Variants in ANAPC10 observed in about 807,000 individuals in gnomAD.
ANAPC10 encodes the protein anaphase-promoting complex subunit 10.
ANAPC10 carries 12 observed loss-of-function variants against 22.0 expected under a neutral mutation model. That is an observed-to-expected ratio of 0.55 (90% CI 0.35 to 0.88). The LOEUF (loss-of-function observed/expected upper bound fraction) is 0.88. Among genes scored for constraint, ANAPC10 ranks in the 40% least tolerant of loss-of-function variants. The pLI is 0.01. For missense variants in ANAPC10, 188 were observed against 220.9 expected, an observed-to-expected ratio of 0.85 and a Z score of 0.94; for synonymous variants, 65 against 69.5, an observed-to-expected ratio of 0.94 and a Z score of 0.32.
intron 4 of ANAPC10, among the ~76,000 whole-genome samples, chr4:145,062,462 C>T (rs1743036231): frequency 6.6e-6 from 1 of 151,976 alleles, no homozygotes; most frequent in African/African-American, 2.4e-5. Context: ...AAAAAATTAG[C>T]TGGGCATGGT....
Position 144,995,526 on chromosome 4 carries a change from G to C in ANAPC10, c.405C>G (p.Phe135Leu). 6.2e-7 allele frequency: 1 copy of C among 1,613,898 alleles called. No individual in the cohort carries two copies. The highest frequency in any genetic ancestry group is 8.5e-7 in the Non-Finnish European group (1 of 1,179,914). ...TDNHKKPTRT[F>L]MIQIAVLANH... Reference sequence around the variant, plus strand: ...TGGCTAGAACAGCAATCTGTATCATGAATGTACGAGTTGGCTTCTTATGAT... The same window carrying C: ...TGGCTAGAACAGCAATCTGTATCATCAATGTACGAGTTGGCTTCTTATGAT... Residue 135 changes from phenylalanine to leucine, a missense_variant, in exon 5 of 5, where the codon TTC becomes TTG. Transcript: ENST00000507656.
chr4:145,037,014 GTGTGTGTGTGTGTGTGTGTGTGTGTA>G (rs1166101166), intron 4 of ANAPC10, among the ~76,000 whole-genome samples: 8 of 139,930 alleles, frequency 5.7e-5, no homozygotes, highest in Admixed American at 1.4e-4. Flanking sequence ...GTGTGTGTGT[GTGTGTGTGTGTGTGTGTGTGTGTGTA>G]TGTGTGTGCA....
At chr4:145,098,360 T>TGAA (rs1748933715), upstream of ANAPC10, 1 of 152,458 alleles carries the variant, frequency 6.6e-6, no homozygotes, top group African/African-American at 2.4e-5. Context: ...GGCTGAAAAG[T>TGAA]GAAGGCAAGA....
intron 4 of ANAPC10, among the ~76,000 whole-genome samples, chr4:145,063,365 T>C (rs1743189101): frequency 6.6e-6 from 1 of 152,192 alleles, no homozygotes; most frequent in South Asian, 2.1e-4. Flanking sequence ...CCTGTTCTTA[T>C]TTGTCAATAC....
chr4:145,032,568 C>A (rs1737779349), intron 4 of ANAPC10, among the ~76,000 whole-genome samples: 1 of 152,188 alleles, frequency 6.6e-6, no homozygotes, highest in Non-Finnish European at 1.5e-5. Flanking sequence ...TCTGTGGACA[C>A]CACACAACCT....
intron 4 of ANAPC10, among the ~76,000 whole-genome samples, chr4:145,048,119 C>G (rs529161891): frequency 6.6e-6 from 1 of 152,248 alleles, no homozygotes; most frequent in South Asian, 2.1e-4. Flanking sequence ...GCCTTGGATT[C>G]TTTTCCTCAG....
intron 4 of ANAPC10, among the ~76,000 whole-genome samples, chr4:145,012,307 G>C (rs2126931106): frequency 6.6e-6 from 1 of 151,332 alleles, no homozygotes; most frequent in East Asian, 1.9e-4. Flanking sequence ...ATTGTCACTT[G>C]AACATGTTTT....
chr4:145,046,062 CA>C (rs1265451362), intron 4 of ANAPC10, among the ~76,000 whole-genome samples: 2 of 152,048 alleles, frequency 1.3e-5, no homozygotes, highest in Non-Finnish European at 2.9e-5. Context: ...TACAGGAGCG[CA>C]CCCTAAGCAT....
chr4:145,000,155 T>C (rs909860482), intron 4 of ANAPC10, among the ~76,000 whole-genome samples: 4 of 152,174 alleles, frequency 2.6e-5, no homozygotes, highest in Non-Finnish European at 4.4e-5. Flanking sequence ...AAGAACTTTA[T>C]GTCTAAACAC....
chr4:145,088,240 ATTC>A (rs1560935411), intron 2 of ANAPC10, among the ~76,000 whole-genome samples: 1 of 151,870 alleles, frequency 6.6e-6, no homozygotes, highest in African/African-American at 2.4e-5. Flanking sequence ...CCAAAGCTTT[ATTC>A]TTTTCTCTAA....
intron 4 of ANAPC10, among the ~76,000 whole-genome samples, chr4:145,052,278 CAT>C (rs1291614452): frequency 6.6e-6 from 1 of 152,092 alleles, no homozygotes; most frequent in Non-Finnish European, 1.5e-5. Context: ...CAAAGAATGA[CAT>C]ATATGTGAGG....
At chr4:145,032,303 A>G (rs1212253766) in intron 4 of ANAPC10, among the ~76,000 whole-genome samples, 1 of 152,228 alleles carries the variant, frequency 6.6e-6, no homozygotes, top group Non-Finnish European at 1.5e-5. Flanking sequence ...TGCACTTTGC[A>G]TGGAAGGAGA....
intron 2 of ANAPC10, among the ~76,000 whole-genome samples, chr4:145,086,710 A>G (rs551739155): frequency 1.3e-5 from 2 of 152,030 alleles, no homozygotes; most frequent in Non-Finnish European, 2.9e-5. Context: ...ATTTAGCTGT[A>G]TCCCTGGGCT....
chr4:145,067,862 A>G (rs1435625087), intron 3 of ANAPC10, among the ~76,000 whole-genome samples: 1 of 152,188 alleles, frequency 6.6e-6, no homozygotes, highest in Admixed American at 6.5e-5. Context: ...GTAGAGCCAT[A>G]TGACTAAGTT....
intron 4 of ANAPC10, among the ~76,000 whole-genome samples, chr4:145,050,332 T>C (rs1268289887): frequency 2.6e-5 from 4 of 152,224 alleles, no homozygotes; most frequent in African/African-American, 9.6e-5. Context: ...CAGGAACCCA[T>C]GCTCTAAACA....
chr4:145,020,865 A>C (rs1348145536), intron 4 of ANAPC10, among the ~76,000 whole-genome samples: 1 of 152,012 alleles, frequency 6.6e-6, no homozygotes, highest in Non-Finnish European at 1.5e-5. Context: ...AAGACAAAGA[A>C]AAAAACTTAG....
chr4:145,015,247 A>G (rs1006636424), intron 4 of ANAPC10, among the ~76,000 whole-genome samples: 1 of 152,012 alleles, frequency 6.6e-6, no homozygotes, highest in African/African-American at 2.4e-5. Flanking sequence ...AGAAAAAACA[A>G]TCAAACTTCA....
chr4:145,024,756 G>A (rs1234737502), intron 4 of ANAPC10, among the ~76,000 whole-genome samples: 1 of 152,088 alleles, frequency 6.6e-6, no homozygotes, highest in Non-Finnish European at 1.5e-5. Context: ...AATAGTGAGT[G>A]CTGCCTTCAA....
At chr4:145,018,128 T>C (rs1005090540) in intron 4 of ANAPC10, among the ~76,000 whole-genome samples, 1 of 148,542 alleles carries the variant, frequency 6.7e-6, no homozygotes, top group Admixed American at 6.7e-5. Flanking sequence ...AAAAAAAATA[T>C]ATATATATAT....
Sources: gnomAD v4.1 joint callset for allele counts (sites outside exome capture counted in the v4.1 genomes callset) on GRCh38, gnomAD v4.1.1 for gene constraint, MANE v1.5 for transcripts, NCBI Gene and HGNC (gene_info 2026-07-23, HGNC 2026-07-21) for gene names.